Variants in MAJIN observed in about 807,000 individuals in gnomAD.
The protein encoded by MAJIN is membrane anchored junction protein, also known as membrane-anchored junction protein.
MAJIN carries 27 observed loss-of-function variants against 30.2 expected under a neutral mutation model. The ratio of observed to expected loss-of-function variants is 0.89; its 90% CI spans 0.66 to 1.23. The LOEUF (loss-of-function observed/expected upper bound fraction) is 1.23, where lower values mean the gene tolerates loss of function less well. MAJIN is among the 50% of genes most tolerant of loss of function. The pLI, the probability that MAJIN is intolerant of heterozygous loss-of-function variation, is 0.00. For missense variants in MAJIN, 253 were observed against 260.3 expected (o/e 0.97, Z 0.19); for synonymous variants, 78 against 91.6 (o/e 0.85, Z 0.85).
intron 1 of MAJIN, among the ~76,000 whole-genome samples, chr11:64,971,642 C>A (rs1161171709): frequency 6.6e-6 from 1 of 152,000 alleles, no homozygotes; most frequent in Non-Finnish European, 1.5e-5. Context: ...TCCCGGCCTG[C>A]GACCCGCGCT....
chr11:64,971,482 G>A (rs1945904855), intron 1 of MAJIN, among the ~76,000 whole-genome samples: 1 of 148,328 alleles, frequency 6.7e-6, no homozygotes, highest in Non-Finnish European at 1.5e-5. Flanking sequence ...GGGGAAGGAG[G>A]AGGAGGAGGA....
Position 64,940,312 on chromosome 11 carries a change from T to C in MAJIN, c.546+262A>G, listed in dbSNP as rs541038648. 4.6e-5 allele frequency among the ~76,000 whole-genome samples: 7 copies of C among 152,306 alleles called. No individual in the cohort carries two copies. In the East Asian group the frequency reaches 1.3e-3, roughly 29 times the overall value. On this transcript the variant is annotated intron_variant, in intron 9 of 10. Transcript: ENST00000301896. ...CACCTCACTCGGAAATGTTTTGAAA[T>C]AGTGAGAGCATAACTTCACTATCAG...
chr11:64,954,377 A>G (rs1945599564), intron 4 of MAJIN: 1 of 368,170 alleles, frequency 2.7e-6, no homozygotes, highest in African/African-American at 2.1e-5. Context: ...GTGTATTTAC[A>G]GTCGAGTTTC....
chr11:64,967,317 A>G (rs1008382693), intron 1 of MAJIN, among the ~76,000 whole-genome samples: 43 of 152,064 alleles, frequency 2.8e-4, no homozygotes, highest in African/African-American at 9.4e-4. Context: ...GAGGCAGGAG[A>G]ATCACTTGAA....
At chr11:64,961,145 T>C (rs1945715227) in intron 1 of MAJIN, among the ~76,000 whole-genome samples, 1 of 151,916 alleles carries the variant, frequency 6.6e-6, no homozygotes, top group Non-Finnish European at 1.5e-5. Context: ...TCTTAATTCT[T>C]CCAAGGATTA....
rs191327202 is a variant in MAJIN, at chr11:64,958,827, G to T, written c.101+478C>A. Among the ~76,000 whole-genome samples the T allele has an allele frequency of 5.3e-5, 8 of 152,080 alleles. No homozygotes were observed. In the East Asian group the frequency reaches 1.5e-3, roughly 29 times the overall value. On this transcript the variant is annotated intron_variant, in intron 3 of 10. Transcript: ENST00000301896. The stretch of plus-strand genomic sequence containing the variant: ...TTTAGTAGAGATGGGGTTTCACCAT[G>T]TTGGCCAGGCTGGTCTTGAACTCCT...
At chr11:64,940,835 C>CTTTTTTTTTTTTTTTTTTTTTTTTTT (rs1168979344) in intron 8 of MAJIN, among the ~76,000 whole-genome samples, 189 bp from the exon 9 acceptor site, 64 of 88,558 alleles carry the variant, frequency 7.2e-4, no homozygotes, top group African/African-American at 8.7e-4. Flanking sequence ...TTTTTTCTTT[C>CTTTTTTTTTTTTTTTTTTTTTTTTTT]TTTTTTTTTT....
intron 7 of MAJIN, 29 bp from the exon 8 acceptor site, chr11:64,947,494 C>A (rs960067907): frequency 1.3e-6 from 2 of 1,594,896 alleles, no homozygotes; most frequent in African/African-American, 1.3e-5. Flanking sequence ...GCCTGTGACT[C>A]CTCCTTTCCA....
intron 10 of MAJIN, 122 bp from the exon 11 acceptor site, chr11:64,938,695 C>T: frequency 1.9e-6 from 2 of 1,080,410 alleles, no homozygotes; most frequent in Non-Finnish European, 1.3e-6. Flanking sequence ...AATGGAAATT[C>T]AAGACTGAAT....
At chr11:64,969,999 A>G (rs1945872619) in intron 1 of MAJIN, among the ~76,000 whole-genome samples, 1 of 152,074 alleles carries the variant, frequency 6.6e-6, no homozygotes, top group African/African-American at 2.4e-5. Flanking sequence ...CCAAAGAGAG[A>G]TTCTAGATAA....
chr11:64,967,669 G>A (rs531189712), intron 1 of MAJIN, among the ~76,000 whole-genome samples: 9 of 152,090 alleles, frequency 5.9e-5, no homozygotes, highest in Non-Finnish European at 1.3e-4. Context: ...AACACAGTGG[G>A]CAAGAAAGAC....
At chr11:64,945,519 C>G (rs1183807157) in intron 8 of MAJIN, among the ~76,000 whole-genome samples, 1 of 152,022 alleles carries the variant, frequency 6.6e-6, no homozygotes, top group African/African-American at 2.4e-5. Context: ...GTACAGGTAG[C>G]TTTTTAAGCT....
chr11:64,943,496 C>T (rs573581216), intron 8 of MAJIN, among the ~76,000 whole-genome samples: 3 of 152,308 alleles, frequency 2.0e-5, no homozygotes, highest in East Asian at 3.9e-4. Flanking sequence ...GGGGGCAGAA[C>T]ATATTAAGCA....
intron 4 of MAJIN, chr11:64,954,384 T>G: frequency 2.7e-6 from 1 of 367,376 alleles, no homozygotes; most frequent in East Asian, 6.7e-5. Flanking sequence ...TACAGTCGAG[T>G]TTCCTGAACG....
intron 1 of MAJIN, among the ~76,000 whole-genome samples, chr11:64,960,546 T>C (rs1344214667): frequency 1.3e-5 from 2 of 152,172 alleles, no homozygotes; most frequent in Non-Finnish European, 2.9e-5. Context: ...ACTAAGGCAA[T>C]ACAGATCCAG....
intron 1 of MAJIN, among the ~76,000 whole-genome samples, chr11:64,964,677 C>T (rs1945779638): frequency 6.6e-6 from 1 of 151,798 alleles, no homozygotes; most frequent in South Asian, 2.1e-4. Context: ...ACCTCTGCCT[C>T]TGAGGTTCAA....
At chr11:64,944,348 C>T (rs1945418960) in intron 8 of MAJIN, among the ~76,000 whole-genome samples, 1 of 152,210 alleles carries the variant, frequency 6.6e-6, no homozygotes, top group Non-Finnish European at 1.5e-5. Context: ...TCCTGTGCTT[C>T]CTTCTACCCC....
At chr11:64,961,177 T>C (rs1945716025) in intron 1 of MAJIN, among the ~76,000 whole-genome samples, 1 of 151,946 alleles carries the variant, frequency 6.6e-6, no homozygotes, top group Admixed American at 6.6e-5. Context: ...TTGTGGTTTT[T>C]TTTTTTTTGA....
chr11:64,949,892 A>C (rs781217503), intron 5 of MAJIN, 24 bp from the exon 6 acceptor site: 9 of 1,599,522 alleles, frequency 5.6e-6, no homozygotes, highest in Non-Finnish European at 7.6e-6. Context: ...CTAAGGAGTA[A>C]GGAAAGATGC....
Sources: allele counts gnomAD v4.1 joint callset (sites outside exome capture counted in the v4.1 genomes callset), GRCh38; gene constraint gnomAD v4.1.1; transcripts MANE v1.5; gene names NCBI Gene and HGNC (gene_info 2026-07-23, HGNC 2026-07-21).